PYGB: variants seen among roughly 807,000 people sequenced by gnomAD.
The protein encoded by PYGB is glycogen phosphorylase, brain form.
Under a neutral mutation model 94.3 loss-of-function variants are expected in PYGB, and 82 were observed. The ratio of observed to expected loss-of-function variants is 0.87; its 90% confidence interval spans 0.73 to 1.04. The LOEUF (loss-of-function observed/expected upper bound fraction) is 1.04, where lower values mean the gene tolerates loss of function less well. Among genes scored for constraint, PYGB ranks in the 50% least tolerant of loss-of-function variants. The probability of loss-of-function intolerance (pLI) is 0.00; values close to 1 mark genes in which losing one functional copy is unlikely to be tolerated. For synonymous variants in PYGB, 488 were observed against 479.1 expected, an observed-to-expected ratio of 1.02 and a Z score of -0.24; for missense variants, 1,132 against 1,158.2, an observed-to-expected ratio of 0.98 and a Z score of 0.33.
At chr20:25,289,761 C>T (rs2088448981) in intron 15 of PYGB, 7 of 507,350 alleles carry the variant, frequency 1.4e-5, no homozygotes, top group Admixed American at 1.2e-4. Flanking sequence ...CAGTAAACTG[C>T]AGACACTCTA....
At chr20:25,252,651 A>G (rs2092891363) in intron 1 of PYGB, among the ~76,000 whole-genome samples, 1 of 152,266 alleles carries the variant, frequency 6.6e-6, no homozygotes, top group African/African-American at 2.4e-5. Context: ...ACAGCCAGAT[A>G]GAAGATATGC....
intron 3 of PYGB, among the ~76,000 whole-genome samples, chr20:25,270,037 C>T (rs947600456): frequency 6.6e-6 from 1 of 152,130 alleles, no homozygotes; most frequent in Non-Finnish European, 1.5e-5. Context: ...CTGCTGCAGG[C>T]GAGTCCCCAG....
rs1449649065 is a variant in PYGB, at chr20:25,297,901, A to G, written c.*1379A>G. The G allele has an allele frequency of 6.6e-6, 1 of 152,312 alleles. No homozygotes were observed. The highest frequency in any genetic ancestry group is 2.4e-5 in the African/African-American group (1 of 41,464). 9.4% of individuals were successfully genotyped at this position (152,312 alleles called of 1,614,324 possible). A position where few individuals can be genotyped will look rare whatever the true frequency, so the allele number is the denominator to read the frequency against. ...AGGCAGCGGCTCTGTGGAGGAGGCCATACTCCCCTAGTTGGCCACTGGGGC... is the reference window on the plus strand; with the variant it reads ...AGGCAGCGGCTCTGTGGAGGAGGCCGTACTCCCCTAGTTGGCCACTGGGGC... On this transcript the variant is annotated 3_prime_UTR_variant, in exon 20 of 20. Coordinates refer to ENST00000216962, the MANE Select transcript of PYGB (RefSeq NM_002862.4).
rs369843222 is a variant in PYGB at position 25,290,552 on chromosome 20, T to C, written c.1899T>C (p.His633=). 26 of 1,611,692 alleles carry C rather than the reference T, an allele frequency of 1.6e-5. No individual in the cohort carries two copies. The African/African-American group carries it at 2.1e-4, about 13-fold the overall frequency. Residue 633 remains histidine, a synonymous_variant, in exon 16 of 20, where the codon CAT becomes CAC. Transcript: ENST00000216962. ...CCTCCATCGGCGACGTCGTCAATCA[T>C]GACCCAGTTGTGGGTGACAGGTTGA... ...LVTSIGDVVN[H]DPVVGDRLKV... is the part of the protein sequence containing the mutation.
chr20:25,248,276 A>G lies in PYGB; in HGVS notation c.98A>G (p.Asn33Ser), dbSNP rs765782345. 29 of 1,602,702 alleles carry G rather than the reference A, an allele frequency of 1.8e-5. 1 individual carries two copies. The highest frequency in any genetic ancestry group is 5.1e-5 in the Admixed American group (3 of 58,432). The change falls in exon 1 of 20, where the codon AAC becomes AGC. Residue 33 changes from asparagine to serine, a missense_variant. Asn to Ser is a conservative substitution (Grantham distance 46). Transcript: ENST00000216962. ...GTGGCCGAGGTGCGGAAGAGCTTCA[A>G]CCGGCACTTGCACTTCACGCTGGTC... The part of the protein sequence containing the change: ...GDVAEVRKSF[N>S]RHLHFTLVKD...
intron 9 of PYGB, among the ~76,000 whole-genome samples, chr20:25,279,602 G>A (rs1344330912): frequency 6.6e-6 from 1 of 152,050 alleles, no homozygotes; most frequent in African/African-American, 2.4e-5. Context: ...ACTCACACCC[G>A]TAATCCTAGT....
chr20:25,271,306 C>T lies in PYGB; in HGVS notation c.425-77C>T, dbSNP rs376918017. 156 of 1,368,134 alleles carry T rather than the reference C, an allele frequency of 1.1e-4. 1 individual carries two copies. Among genetic ancestry groups the T allele is most frequent in the South Asian group, 7.8e-4 (67 of 85,652 alleles). The allele number at this position is 1,368,134 out of a possible 1,614,324, so 84.7% of individuals were successfully genotyped here. ...TGATCCCCTCTGAATTTCTGCCTTGCGCCCTGTGGGCTGCCTCCGCATGGG... is the reference window on the plus strand; with the variant it reads ...TGATCCCCTCTGAATTTCTGCCTTGTGCCCTGTGGGCTGCCTCCGCATGGG... On this transcript the variant is annotated intron_variant, in intron 3 of 19. Transcript: ENST00000216962.
At chr20:25,287,098 A>G (rs990096359) in intron 14 of PYGB, among the ~76,000 whole-genome samples, 6 of 152,100 alleles carry the variant, frequency 3.9e-5, no homozygotes, top group Non-Finnish European at 8.8e-5. Flanking sequence ...CCCTTTTTGT[A>G]GGAACCTCCC....
At position 25,289,349 on chromosome 20, in the gene PYGB, A is replaced by G. The variant is rs113856180; in HGVS notation, c.1827+866A>G. On this transcript the variant is annotated intron_variant, in intron 15 of 19. Transcript: ENST00000216962. The stretch of plus-strand genomic sequence containing the variant: ...GGAGTTCGAAAAAGTTTTAAATGTT[A>G]TTATGAAAATTTTAGGCTGGGCACG... Among the ~76,000 whole-genome samples, 1,057 of 152,364 alleles carry G rather than the reference A, an allele frequency of 6.9e-3. 5 individuals are homozygous for G. The highest frequency in any genetic ancestry group is 0.02 in the Middle Eastern group (6 of 294).
chr20:25,291,255 G>A lies in PYGB; in HGVS notation c.1969+633G>A, dbSNP rs142135591. Among the ~76,000 whole-genome samples, 8 of 152,296 alleles carry A rather than the reference G, an allele frequency of 5.3e-5. No homozygotes were observed. The East Asian group carries it at 1.5e-3, about 30-fold the overall frequency. Reference sequence around the variant, plus strand: ...TCCTGGGGAGACCCTGGGATGTGCTGCCATGTGCCCTGGAGCCCATCAGTT... The same window carrying A: ...TCCTGGGGAGACCCTGGGATGTGCTACCATGTGCCCTGGAGCCCATCAGTT... On this transcript the variant is annotated intron_variant, in intron 16 of 19. Transcript: ENST00000216962.
Position 25,248,186 on chromosome 20 carries a change from A to G in PYGB, c.8A>G (p.Lys3Arg). Residue 3 changes from lysine (K) to arginine (R), a missense_variant, in exon 1 of 20, where the codon AAG (lysine) becomes AGG (arginine). Coordinates refer to ENST00000216962, the MANE Select transcript of PYGB (RefSeq NM_002862.4). Reference sequence around the variant, plus strand: ...TCCGCCTCCGCCGGCGCGATGGCGAAGCCGCTGACGGACAGCGAGAAGCGG... The same window carrying G: ...TCCGCCTCCGCCGGCGCGATGGCGAGGCCGCTGACGGACAGCGAGAAGCGG... MAKPLTDSEKRKQ... is the reference protein window; with the variant it reads MARPLTDSEKRKQ... 1 of 1,590,650 alleles carries G rather than the reference A, an allele frequency of 6.3e-7. No individual in the cohort carries two copies. Among genetic ancestry groups the G allele is most frequent in the Non-Finnish European group, 8.6e-7 (1 of 1,169,018 alleles).
chr20:25,262,830 A>T (rs1195923911), intron 2 of PYGB, among the ~76,000 whole-genome samples: 1 of 152,182 alleles, frequency 6.6e-6, no homozygotes, highest in Non-Finnish European at 1.5e-5. Flanking sequence ...TCTCTGATAA[A>T]ACAGACTTTA....
rs577171362 is a variant in PYGB, at chr20:25,273,053, G to C, written c.529-1539G>C. On this transcript the variant is annotated intron_variant, in intron 4 of 19. Coordinates refer to ENST00000216962, the MANE Select transcript of PYGB (RefSeq NM_002862.4). ...CTCCCATCCCCTTTTCATGGGAACT[G>C]TTCAGATTCAGTGGGTTTTTAGTTG... 2.7e-3 allele frequency among the ~76,000 whole-genome samples: 410 copies of C among 152,352 alleles called. 1 individual carries two copies. Among genetic ancestry groups the C allele is most frequent in the African/African-American group, 9.2e-3 (383 of 41,576 alleles).
intron 4 of PYGB, among the ~76,000 whole-genome samples, 157 bp downstream of exon 4, chr20:25,271,643 C>T (rs1960783770): frequency 6.6e-6 from 1 of 152,248 alleles, no homozygotes; most frequent in African/African-American, 2.4e-5. Flanking sequence ...CATCCTTGCT[C>T]CGGCTTCTTG....
At chr20:25,253,377 C>A (rs1050694474) in intron 1 of PYGB, among the ~76,000 whole-genome samples, 1 of 152,154 alleles carries the variant, frequency 6.6e-6, no homozygotes, top group Non-Finnish European at 1.5e-5. Flanking sequence ...TATGGCCGGG[C>A]GTGGTGACTC....
rs767386910 is a variant in PYGB at position 25,294,262 on chromosome 20, A to G, written c.2282A>G (p.Asp761Gly). 1 of 1,579,198 alleles carries G rather than the reference A, an allele frequency of 6.3e-7. No individual in the cohort carries two copies. Among genetic ancestry groups the G allele is most frequent in the Non-Finnish European group, 8.6e-7 (1 of 1,158,772 alleles). Residue 761 changes from aspartate (D) to glycine (G), a missense_variant, in exon 18 of 20, where the codon GAC becomes GGC. Physicochemically the swap from Asp to Gly is moderately conservative, Grantham distance 94. Transcript: ENST00000216962. The part of the protein sequence containing the change: ...FSPKEPDCFK[D>G]IVNMLMHHDR... ...CCCAAGGAGCCAGACTGCTTCAAGG[A>G]CATCGTGAACATGCTGATGCACCAT...
chr20:25,294,919 TA>T, intron 18 of PYGB: 1 of 401,720 alleles, frequency 2.5e-6, no homozygotes, highest in Non-Finnish European at 3.2e-6. Flanking sequence ...GCCTTTGGGT[TA>T]GTTTTAGTTT....
intron 2 of PYGB, among the ~76,000 whole-genome samples, chr20:25,260,625 C>T (rs1023860724): frequency 4.6e-5 from 7 of 152,244 alleles, no homozygotes; most frequent in African/African-American, 7.2e-5. Flanking sequence ...TGGGGCTTGT[C>T]GGACTGTGGG....
At chr20:25,248,711 C>G (rs1006847886) in intron 1 of PYGB, among the ~76,000 whole-genome samples, 2 of 152,220 alleles carry the variant, frequency 1.3e-5, no homozygotes, top group Non-Finnish European at 2.9e-5. Flanking sequence ...GGCGGACGTT[C>G]CCGGTCTCTT....
Sources: allele counts gnomAD v4.1 joint callset (sites outside exome capture counted in the v4.1 genomes callset), GRCh38; gene constraint gnomAD v4.1.1; transcripts MANE v1.5; gene names NCBI Gene and HGNC (gene_info 2026-07-23, HGNC 2026-07-21).